TPT1: variants seen among roughly 807,000 people sequenced by gnomAD.
TPT1 encodes the protein translationally-controlled tumor protein.
A neutral mutation model predicts 22.8 loss-of-function variants in TPT1; 5 were observed. That is an observed-to-expected ratio of 0.22 (90% CI 0.11 to 0.46). The LOEUF (loss-of-function observed/expected upper bound fraction) is 0.46. Ranked by LOEUF, TPT1 falls within the 20% of genes least tolerant of loss-of-function variation. TPT1 has a pLI of 0.99. For synonymous variants in TPT1, 89 were observed against 73.6 expected, an observed-to-expected ratio of 1.21 and a Z score of -1.07; for missense variants, 130 against 218.7, an observed-to-expected ratio of 0.59 and a Z score of 2.56.
intron 4 of TPT1, 174 bp from the exon 5 acceptor site, chr13:45,338,950 T>TA (rs1175965981): frequency 3.8e-6 from 2 of 522,454 alleles, no homozygotes. Flanking sequence ...TAAGGCACCT[T>TA]AATAGTGACC....
chr13:45,338,781 G>C lies in TPT1; in HGVS notation c.400-5C>G. On this transcript the variant is annotated splice_region_variant and splice_polypyrimidine_tract_variant and intron_variant, in intron 4 of 5. Transcript: ENST00000530705. ...CATGTTTTCACCAATAAAGAACTTG[G>C]GAAGCAAACAAAATACCTAGAATTA... is the stretch of plus-strand genomic sequence containing the variant. 1 of 1,576,176 alleles carries C rather than the reference G, an allele frequency of 6.3e-7. No individual in the cohort carries two copies. Among genetic ancestry groups the C allele is most frequent in the Non-Finnish European group, 8.6e-7 (1 of 1,166,398 alleles).
At position 45,334,416 on chromosome 13, in the gene TPT1, C is replaced by T. The variant is rs1253133645; in HGVS notation, c.*2970G>A. ...CATGGCTTTCAATGTCTATTGTTATCTTTCCACTCTCTATATAGTTCTCCA... is the reference window on the plus strand; with the variant it reads ...CATGGCTTTCAATGTCTATTGTTATTTTTCCACTCTCTATATAGTTCTCCA... On this transcript the variant is annotated 3_prime_UTR_variant, in exon 6 of 6. Coordinates refer to ENST00000530705, the MANE Select transcript of TPT1 (RefSeq NM_003295.4). 1 of 152,204 alleles carries T rather than the reference C, an allele frequency of 6.6e-6. No individual in the cohort carries two copies. The highest frequency in any genetic ancestry group is 1.5e-5 in the Non-Finnish European group (1 of 68,032). 9.4% of individuals were successfully genotyped at this position (152,204 alleles called of 1,614,324 possible).
At position 45,340,715 on chromosome 13, in the gene TPT1, C is replaced by A; in HGVS notation, c.99G>T (p.Gly33=). 6.5e-7 allele frequency: 1 copy of A among 1,539,338 alleles called. No individual in the cohort carries two copies. The highest frequency in any genetic ancestry group is 8.7e-7 in the Non-Finnish European group (1 of 1,144,358). Residue 33 remains glycine (G), a synonymous_variant, in exon 2 of 6, where the codon GGG becomes GGT. Transcript: ENST00000530705. The stretch of plus-strand genomic sequence containing the variant: ...CGCGCAGGCCCGACCGACTCACCTT[C>A]CCCTCCACCTCCAGGCACAACCCGT... ...IADGLCLEVE[G]KMVSRTEGNI...
intron 5 of TPT1, 185 bp from the exon 6 acceptor site, chr13:45,337,573 C>G (rs748558399): frequency 4.4e-6 from 7 of 1,607,812 alleles, no homozygotes; most frequent in Middle Eastern, 1.7e-4. Flanking sequence ...ACCAAAAGAA[C>G]AACAGTAAAT....
At chr13:45,337,576 C>G in intron 5 of TPT1, 188 bp from the exon 6 acceptor site, 1 of 1,607,092 alleles carries the variant, frequency 6.2e-7, no homozygotes, top group Non-Finnish European at 8.5e-7. Flanking sequence ...AAAAGAACAA[C>G]AGTAAATTGT....
Position 45,341,163 on chromosome 13 carries a change from A to AGGGGGGAGCGGGC in TPT1, c.-107_-95dup, listed in dbSNP as rs1555278936. The AGGGGGGAGCGGGC allele has an allele frequency of 4.5e-6, 7 of 1,551,234 alleles. No homozygotes were observed. Among genetic ancestry groups the AGGGGGGAGCGGGC allele is most frequent in the Non-Finnish European group, 6.1e-6 (7 of 1,141,018 alleles). The stretch of plus-strand genomic sequence containing the variant: ...TGCAGCCGGAGCGGCGCTCGGGGGG[A>AGGGGGGAGCGGGC]GGGGGGAGCGGGCGGAAAAGGCCGA... On this transcript the variant is annotated 5_prime_UTR_variant, in exon 1 of 6. Transcript: ENST00000530705.
chr13:45,338,276 T>C (rs1013150780), intron 5 of TPT1: 30 of 211,732 alleles, frequency 1.4e-4, no homozygotes, highest in African/African-American at 5.3e-4. Flanking sequence ...CCCGCTGCCA[T>C]GCCTGGCTAA....
Position 45,341,055 on chromosome 13 carries a change from C to T in TPT1, c.15G>A (p.Arg5=). 1 of 1,613,326 alleles carries T rather than the reference C, an allele frequency of 6.2e-7. No individual in the cohort carries two copies. The highest frequency in any genetic ancestry group is 1.1e-5 in the South Asian group (1 of 91,000). The change falls in exon 1 of 6, where the codon CGG becomes CGA. Residue 5 remains arginine (R), a synonymous_variant. Transcript: ENST00000530705. ...GTGAGGACTCACGGCTGATGAGGTC[C>T]CGGTAGATAATCATGATGGCGACTG... MIIY[R]DLISHDEMFS...
Position 45,339,576 on chromosome 13 carries a change from C to T in TPT1, c.320G>A (p.Arg107Lys), listed in dbSNP as rs1164286755. 1.9e-6 allele frequency: 3 copies of T among 1,613,212 alleles called. No homozygotes were observed. The highest frequency in any genetic ancestry group is 2.5e-6 in the Non-Finnish European group (3 of 1,179,788). Reference sequence around the variant, plus strand: ...CATAAAAGGTTTTACTCTTTCTGGTCTCTGTTCTTCAAGTTTCCCTTTGAT... The same window carrying T: ...CATAAAAGGTTTTACTCTTTCTGGTTTCTGTTCTTCAAGTTTCCCTTTGAT... ...KSIKGKLEEQ[R>K]PERVKPFMTG... Residue 107 changes from arginine (R) to lysine (K), a missense_variant, in exon 4 of 6, where the codon AGA (arginine) becomes AAA (lysine). Coordinates refer to ENST00000530705, the MANE Select transcript of TPT1 (RefSeq NM_003295.4).
chr13:45,340,888 A>C (rs1879075138), intron 1 of TPT1, 103 bp from the exon 2 acceptor site: 2 of 1,484,518 alleles, frequency 1.3e-6, no homozygotes, highest in Non-Finnish European at 9.0e-7. Flanking sequence ...TCCGTAGCAC[A>C]CCAGAGCTGG....
intron 5 of TPT1, 71 bp downstream of exon 5, chr13:45,338,589 A>G (rs745425797): frequency 1.3e-6 from 2 of 1,574,870 alleles, no homozygotes; most frequent in East Asian, 4.5e-5. Flanking sequence ...TCAGTGTCAC[A>G]AAACAATTGC....
chr13:45,341,110 A>G lies in TPT1; in HGVS notation c.-41T>C. 6.2e-7 allele frequency: 1 copy of G among 1,610,058 alleles called. No individual in the cohort carries two copies. The highest frequency in any genetic ancestry group is 8.5e-7 in the Non-Finnish European group (1 of 1,178,152). On this transcript the variant is annotated 5_prime_UTR_variant, in exon 1 of 6. Transcript: ENST00000530705. The stretch of plus-strand genomic sequence containing the variant: ...GAGACGACGACGGCGCTAGCTTAGC[A>G]CGAGCCTGAAACTCGGAGCGAGCGC...
intron 3 of TPT1, 113 bp downstream of exon 3, chr13:45,339,881 A>C: frequency 8.1e-7 from 1 of 1,237,350 alleles, no homozygotes; most frequent in South Asian, 1.5e-5. Context: ...CATTAATAAA[A>C]AAGCAAGGAC....
rs181301684 is a variant in TPT1, at chr13:45,338,265, G to A, written c.516+395C>T. 7 of 198,492 alleles carry A rather than the reference G, an allele frequency of 3.5e-5. No individual in the cohort carries two copies. In the East Asian group the frequency reaches 8.2e-4, roughly 23 times the overall value. 12.3% of individuals were successfully genotyped at this position (198,492 alleles called of 1,614,324 possible). A position where few individuals can be genotyped will look rare whatever the true frequency, so the allele number is the denominator to read the frequency against. ...CTCTCGATTAGCTGGGATTACAGGT[G>A]CCCGCTGCCATGCCTGGCTAATTTT... On this transcript the variant is annotated intron_variant, in intron 5 of 5. Transcript: ENST00000530705.
chr13:45,340,107 T>C lies in TPT1; in HGVS notation c.180A>G (p.Glu60=). The stretch of plus-strand genomic sequence containing the variant: ...CAGTGATTACTGTGCTTTCGGTACC[T>C]TCGCCCTCGGGGCCTTCAGCGGAGG... ...GNASAEGPEG[E]GTESTVITGV... Residue 60 remains glutamate (E), a synonymous_variant, in exon 3 of 6, where the codon GAA becomes GAG. Transcript: ENST00000530705. The C allele has an allele frequency of 6.2e-7, 1 of 1,614,190 alleles. No homozygotes were observed. Among genetic ancestry groups the C allele is most frequent in the Non-Finnish European group, 8.5e-7 (1 of 1,180,022 alleles).
At chr13:45,340,667 C>G (rs746566881) in intron 2 of TPT1, 45 bp downstream of exon 2, 5 of 1,549,940 alleles carry the variant, frequency 3.2e-6, no homozygotes, top group South Asian at 2.4e-5. Context: ...GAAACCCGAG[C>G]CCGCTCGGCC....
Position 45,340,778 on chromosome 13 carries a change from C to T in TPT1, c.36G>A (p.Glu12=), listed in dbSNP as rs1879059515. The T allele has an allele frequency of 1.3e-6, 2 of 1,515,502 alleles. No individual in the cohort carries two copies. The highest frequency in any genetic ancestry group is 1.8e-6 in the Non-Finnish European group (2 of 1,132,868). 93.9% of individuals were successfully genotyped at this position (1,515,502 alleles called of 1,614,324 possible). Residue 12 remains glutamate (E), a synonymous_variant, in exon 2 of 6, where the codon GAG becomes GAA. Transcript: ENST00000530705. ...GGATCTTGTAGATGTCGGAGAACATCTCATCGTCTGCCGGATACACAGAGC... is the reference window on the plus strand; with the variant it reads ...GGATCTTGTAGATGTCGGAGAACATTTCATCGTCTGCCGGATACACAGAGC... ...IIYRDLISHD[E]MFSDIYKIRE...
At position 45,338,660 on chromosome 13, in the gene TPT1, A is replaced by C. The variant is rs145152286; in HGVS notation, c.516T>G (p.Cys172Trp). ...TTTTAACCCACTTCCTTGTACTTAC[A>C]CATTTTTCCATTTCTAAACCATCCT... ...FFKDGLEMEKC is the reference protein window; with the variant it reads ...FFKDGLEMEKW The change falls in exon 5 of 6, where the codon TGT becomes TGG. Residue 172 changes from cysteine to tryptophan, a missense_variant and splice_region_variant. Cys to Trp is a radical substitution (Grantham distance 215). Transcript: ENST00000530705. The C allele has an allele frequency of 6.2e-7, 1 of 1,612,640 alleles. No homozygotes were observed. The highest frequency in any genetic ancestry group is 1.3e-5 in the African/African-American group (1 of 74,860).
At position 45,338,498 on chromosome 13, in the gene TPT1, T is replaced by C. The variant is rs138146185; in HGVS notation, c.516+162A>G. 2,424 of 1,368,150 alleles carry C rather than the reference T, an allele frequency of 1.8e-3. 62 individuals are homozygous for C. In the Admixed American group the frequency reaches 0.035, roughly 20 times the overall value. 84.8% of individuals were successfully genotyped at this position (1,368,150 alleles called of 1,614,324 possible). Reference sequence around the variant, plus strand: ...TCTAAGCCTTTTTATACCCTAAGAATTTTTTACATATGAAACACAATTCTC... The same window carrying C: ...TCTAAGCCTTTTTATACCCTAAGAACTTTTTACATATGAAACACAATTCTC... On this transcript the variant is annotated intron_variant, in intron 5 of 5. Transcript: ENST00000530705.
Sources: allele counts gnomAD v4.1 joint callset, GRCh38; gene constraint gnomAD v4.1.1; transcripts MANE v1.5; gene names NCBI Gene and HGNC (gene_info 2026-07-23, HGNC 2026-07-21).